The following CRB2 variants were observed in gnomAD, a reference collection of about 807,000 sequenced individuals.
CRB2 encodes the protein crumbs cell polarity complex component 2.
CRB2 carries 85 observed loss-of-function variants against 110.9 expected under a neutral mutation model. The ratio of observed to expected loss-of-function variants is 0.77; its 90% CI spans 0.64 to 0.92. The LOEUF (loss-of-function observed/expected upper bound fraction) is 0.92, where lower values mean the gene tolerates loss of function less well. CRB2 is among the 40% of genes least tolerant of loss of function. The pLI is 0.00. For missense variants in CRB2, 1,843 were observed against 1,851.3 expected, an observed-to-expected ratio of 1.00 and a Z score of 0.08; for synonymous variants, 907 against 831.0, an observed-to-expected ratio of 1.09 and a Z score of -1.57.
At chr9:123,355,654 G>A (rs1287578875), upstream of CRB2, among the ~76,000 whole-genome samples, 1 of 148,828 alleles carries the variant, frequency 6.7e-6, no homozygotes, top group East Asian at 2.0e-4. Context: ...TGGGGAGGGG[G>A]GAGTGGGGAG....
At chr9:123,371,608 G>C (rs1032974442) in intron 8 of CRB2, 30 bp downstream of exon 8, 2 of 1,608,404 alleles carry the variant, frequency 1.2e-6, no homozygotes, top group Non-Finnish European at 1.7e-6. Context: ...GGTGGTGGTG[G>C]GGTGGGGAGT....
rs2041996782 is a variant in CRB2 at position 123,370,418 on chromosome 9, T to G, written c.1365T>G (p.Ala455=). The G allele has an allele frequency of 1.2e-6, 2 of 1,613,478 alleles. No homozygotes were observed. The highest frequency in any genetic ancestry group is 2.7e-5 in the African/African-American group (2 of 74,922). The change falls in exon 7 of 13, where the codon GCT becomes GCG. Residue 455 remains alanine (A), a synonymous_variant. Coordinates refer to ENST00000373631, the MANE Select transcript of CRB2 (RefSeq NM_173689.7). The part of the protein sequence containing the change: ...AGSPIQASVP[A]GGPLGLALRF... ...GCCCCATTCAGGCATCAGTGCCAGC[T>G]GGTGGCCCCCTGGGTCTGGCACTGA... is the stretch of plus-strand genomic sequence containing the variant.
Position 123,365,954 on chromosome 9 carries a change from A to T in CRB2, c.456A>T (p.Ser152=), listed in dbSNP as rs200127890. The change falls in exon 3 of 13, where the codon TCA becomes TCT. Residue 152 remains serine, a synonymous_variant. Transcript: ENST00000373631. The stretch of plus-strand genomic sequence containing the variant: ...AGATGGAGGTGGACGAGTGCGCCTC[A>T]GCGCCCTGCCTGCACGGGGGCTCGT... The part of the protein sequence containing the change: ...TCEMEVDECA[S]APCLHGGSCL... The T allele has an allele frequency of 4.4e-6, 7 of 1,597,114 alleles. No individual in the cohort carries two copies. The highest frequency in any genetic ancestry group is 5.9e-6 in the Non-Finnish European group (7 of 1,178,932).
At chr9:123,367,991 C>T (rs903298634) in intron 6 of CRB2, among the ~76,000 whole-genome samples, 1 of 151,630 alleles carries the variant, frequency 6.6e-6, no homozygotes, top group African/African-American at 2.4e-5. Context: ...GAAAGGGGGG[C>T]TATTGCAGAG....
rs537794968 is a variant in CRB2, at chr9:123,370,271, G to A, written c.1218G>A (p.Pro406=). 2.0e-5 allele frequency: 32 copies of A among 1,613,212 alleles called. 1 individual carries two copies. The highest frequency in any genetic ancestry group is 8.8e-5 in the South Asian group (8 of 91,082). ...CTGGCTGCCAGGGCCACACCTGCCCGCTGGCTGCCACCTGCATCCCTATCT... is the reference window on the plus strand; with the variant it reads ...CTGGCTGCCAGGGCCACACCTGCCCACTGGCTGCCACCTGCATCCCTATCT... The part of the protein sequence containing the change: ...QLTGCQGHTC[P]LAATCIPIFE... The change falls in exon 7 of 13, where the codon CCG becomes CCA. Residue 406 remains proline (P), a synonymous_variant. Transcript: ENST00000373631.
At position 123,367,405 on chromosome 9, in the gene CRB2, G is replaced by T. The variant is rs551308049; in HGVS notation, c.940+48G>T. 0.019 allele frequency: 28,795 copies of T among 1,501,646 alleles called. 366 individuals are homozygous for T. Among genetic ancestry groups the T allele is most frequent in the Middle Eastern group, 0.025 (105 of 4,186 alleles). The allele number at this position is 1,501,646 out of a possible 1,614,324, so 93.0% of individuals were successfully genotyped here. A position where few individuals can be genotyped will look rare whatever the true frequency, so the allele number is the denominator to read the frequency against. On this transcript the variant is annotated intron_variant, in intron 5 of 12. Coordinates refer to ENST00000373631, the MANE Select transcript of CRB2 (RefSeq NM_173689.7). The stretch of plus-strand genomic sequence containing the variant: ...GTCAGCCCATGTCCAGATGCCCAGG[G>T]AGGGATCTTGTGCCCACCCCCCCAC...
Position 123,367,565 on chromosome 9 carries a change from T to C in CRB2, c.941-8T>C, listed in dbSNP as rs1483978161. On this transcript the variant is annotated splice_region_variant and splice_polypyrimidine_tract_variant and intron_variant, in intron 5 of 12. Transcript: ENST00000373631. Reference sequence around the variant, plus strand: ...TGCAGGTGGGACCCACAGCTGGGCCTCTTACAGGAGCCGACTGCGGTGTGG... The same window carrying C: ...TGCAGGTGGGACCCACAGCTGGGCCCCTTACAGGAGCCGACTGCGGTGTGG... 3.7e-5 allele frequency: 58 copies of C among 1,549,202 alleles called. No homozygotes were observed. Among genetic ancestry groups the C allele is most frequent in the Admixed American group, 9.7e-5 (5 of 51,472 alleles).
chr9:123,371,016 G>T (rs1418081479), intron 7 of CRB2, 36 bp downstream of exon 7: 1 of 1,595,774 alleles, frequency 6.3e-7, no homozygotes, highest in South Asian at 1.1e-5. Flanking sequence ...CAGCACCTGA[G>T]ATCTGCCTCC....
chr9:123,356,288 G>T lies in CRB2; in HGVS notation c.28G>T (p.Asp10Tyr). Residue 10 changes from aspartate (D) to tyrosine (Y), a missense_variant, in exon 1 of 13, where the codon GAC becomes TAC. Asp to Tyr is a radical substitution (Grantham distance 160). Coordinates refer to ENST00000373631, the MANE Select transcript of CRB2 (RefSeq NM_173689.7). MALARPGTP[D>Y]PQALASVLLL... ...GGCGCTGGCCAGGCCTGGGACCCCG[G>T]ACCCCCAGGCCCTGGCCTCTGTCCT... 1 of 1,540,326 alleles carries T rather than the reference G, an allele frequency of 6.5e-7. No homozygotes were observed. Among genetic ancestry groups the T allele is most frequent in the African/African-American group, 1.4e-5 (1 of 72,682 alleles).
At chr9:123,363,419 C>T (rs920429531) in intron 2 of CRB2, among the ~76,000 whole-genome samples, 9 of 152,274 alleles carry the variant, frequency 5.9e-5, no homozygotes, top group Admixed American at 3.9e-4. Context: ...CTCAGGCACT[C>T]GGTAAATGTG....
chr9:123,364,930 C>T (rs1004798104), intron 2 of CRB2, among the ~76,000 whole-genome samples: 1 of 152,176 alleles, frequency 6.6e-6, no homozygotes. Flanking sequence ...CATCTCCTGC[C>T]TCTCTGGGAT....
intron 6 of CRB2, chr9:123,368,715 G>A (rs1315403210): frequency 2.2e-5 from 23 of 1,039,566 alleles, no homozygotes; most frequent in Middle Eastern, 9.2e-4. Flanking sequence ...CTGCAGGGCT[G>A]GGCTCTTTGC....
rs2041947431 is a variant in CRB2, at chr9:123,367,286, C to A, written c.869C>A (p.Ala290Asp). ...SDPALYGGVQ[A>D]AFPGAFSFRH... ...CCGGCCCTCTACGGGGGTGTCCAGG[C>A]CGCCTTCCCTGGCGCCTTCAGCTTC... is the stretch of plus-strand genomic sequence containing the variant. Residue 290 changes from alanine to aspartate, a missense_variant, in exon 5 of 13, where the codon GCC becomes GAC. By Grantham distance (126) the Ala-to-Asp change is moderately radical. Coordinates refer to ENST00000373631, the MANE Select transcript of CRB2 (RefSeq NM_173689.7). 1 of 1,602,532 alleles carries A rather than the reference C, an allele frequency of 6.2e-7. No individual in the cohort carries two copies. Among genetic ancestry groups the A allele is most frequent in the Non-Finnish European group, 8.5e-7 (1 of 1,178,924 alleles).
chr9:123,375,183 G>C (rs2042084205), intron 11 of CRB2, 34 bp from the exon 12 acceptor site: 2 of 1,611,002 alleles, frequency 1.2e-6, no homozygotes, highest in Middle Eastern at 1.9e-4. Flanking sequence ...CAGCCATGGG[G>C]GAAGCCGCTT....
Position 123,377,769 on chromosome 9 carries a change from C to T in CRB2, c.*707C>T, listed in dbSNP as rs1017707644. On this transcript the variant is annotated 3_prime_UTR_variant, in exon 13 of 13. Transcript: ENST00000373631. The stretch of plus-strand genomic sequence containing the variant: ...CAGTCATGCGAGGGAACCACAGACC[C>T]ACCCGCCCCCTCAGCCGGAGCAGCC... 6 of 152,298 alleles carry T rather than the reference C, an allele frequency of 3.9e-5. No homozygotes were observed. The highest frequency in any genetic ancestry group is 1.4e-4 in the African/African-American group (6 of 41,466). The allele number at this position is 152,298 out of a possible 1,614,324, so 9.4% of individuals were successfully genotyped here.
rs757853211 is a variant in CRB2, at chr9:123,374,566, GCT to G, written c.3390-7_3390-6del. The G allele has an allele frequency of 3.7e-6, 6 of 1,603,396 alleles. No individual in the cohort carries two copies. Among genetic ancestry groups the G allele is most frequent in the African/African-American group, 1.3e-5 (1 of 74,842 alleles). On this transcript the variant is annotated splice_polypyrimidine_tract_variant and intron_variant, in intron 10 of 12. Transcript: ENST00000373631. Reference sequence around the variant, plus strand: ...GTGTCCTGCACCCACTCCAGCCTCTGCTCTCTCCCCAGGTTGCCTGTCCCATC... The same window carrying G: ...GTGTCCTGCACCCACTCCAGCCTCTGCTCTCCCCAGGTTGCCTGTCCCATC...
At chr9:123,367,060 G>A (rs963503144) in intron 4 of CRB2, 112 bp from the exon 5 acceptor site, 34 of 1,134,364 alleles carry the variant, frequency 3.0e-5, no homozygotes, top group African/African-American at 4.8e-5. Context: ...CTCGCCATTC[G>A]TGGCTTATTC....
At chr9:123,367,953 C>T (rs537926256) in intron 6 of CRB2, among the ~76,000 whole-genome samples, 8 of 151,644 alleles carry the variant, frequency 5.3e-5, no homozygotes, top group South Asian at 2.1e-4. Flanking sequence ...TCAGGGAAGA[C>T]GGAGGTGGTT....
intron 6 of CRB2, among the ~76,000 whole-genome samples, chr9:123,369,598 G>A (rs935399185): frequency 4.6e-5 from 7 of 152,232 alleles, no homozygotes; most frequent in East Asian, 1.9e-4. Flanking sequence ...GGAAATGCTC[G>A]GAGGAATGGG....
Sources: gnomAD v4.1 joint callset for allele counts (sites outside exome capture counted in the v4.1 genomes callset) on GRCh38, gnomAD v4.1.1 for gene constraint, MANE v1.5 for transcripts, NCBI Gene and HGNC (gene_info 2026-07-23, HGNC 2026-07-21) for gene names.